MYO1G: variants seen among roughly 807,000 people sequenced by gnomAD.
MYO1G encodes myosin IG.
MYO1G carries 65 observed loss-of-function variants against 115.3 expected under a neutral mutation model. The observed-to-expected ratio is 0.56, with a 90% confidence interval of 0.46 to 0.69. The LOEUF (loss-of-function observed/expected upper bound fraction) is 0.69. Among genes scored for constraint, MYO1G ranks in the 30% least tolerant of loss-of-function variants. The pLI is 0.00. For synonymous variants in MYO1G, 510 were observed against 552.6 expected, an observed-to-expected ratio of 0.92 and a Z score of 1.08; for missense variants, 1,204 against 1,393.5, an observed-to-expected ratio of 0.86 and a Z score of 2.16.
At chr7:44,971,598 C>T (rs1794958677) in intron 7 of MYO1G, 75 bp downstream of exon 7, 2 of 1,113,444 alleles carry the variant, frequency 1.8e-6, no homozygotes, top group African/African-American at 3.1e-5. Context: ...CAGTCTCCTC[C>T]TCATCCCTGG....
chr7:44,975,051 G>A (rs1795022894), intron 5 of MYO1G, 123 bp downstream of exon 5: 2 of 983,746 alleles, frequency 2.0e-6, no homozygotes, highest in Non-Finnish European at 3.3e-6. Flanking sequence ...GATGGGCTAG[G>A]TGGGGTTGAG....
At position 44,964,404 on chromosome 7, in the gene MYO1G, C is replaced by T; in HGVS notation, c.2631+11G>A. The stretch of plus-strand genomic sequence containing the variant: ...GCACAGCCCTGAAGCCATCCTTGTC[C>T]CTTGTCTAACCTTGCGGACATGGCT... On this transcript the variant is annotated intron_variant, in intron 19 of 21. Transcript: ENST00000258787. The surrounding 1 kb of genome is among the most constrained non-coding windows in gnomAD (Gnocchi z 5.1). 3.1e-6 allele frequency: 5 copies of T among 1,609,686 alleles called. No homozygotes were observed. Among genetic ancestry groups the T allele is most frequent in the Non-Finnish European group, 4.3e-6 (5 of 1,176,086 alleles).
In MYO1G at chr7:44,964,082, C is replaced by T. The variant is rs769469697; in HGVS notation, c.2712G>A (p.Gln904=). The T allele has an allele frequency of 1.2e-6, 2 of 1,605,134 alleles. No homozygotes were observed. The highest frequency in any genetic ancestry group is 2.2e-5 in the South Asian group (2 of 89,160). Residue 904 remains glutamine (Q), a synonymous_variant, in exon 20 of 22, where the codon CAG becomes CAA. Transcript: ENST00000258787. This position sits in a 1 kb window ranked among gnomAD's most constrained non-coding sequence, Gnocchi z 5.1. ...GGGGCACGGCCCGCATCACCCGGTA[C>T]TGCCGGTCAGGGTCCAGCTTGTAGA... ...QHLYKLDPDR[Q]YRVMRAVPLE... is the part of the protein sequence containing the mutation.
At position 44,966,091 on chromosome 7, in the gene MYO1G, A is replaced by G. The variant is rs771454169; in HGVS notation, c.2139T>C (p.Ile713=). 1 of 1,612,790 alleles carries G rather than the reference A, an allele frequency of 6.2e-7. No individual in the cohort carries two copies. Among genetic ancestry groups the G allele is most frequent in the Non-Finnish European group, 8.5e-7 (1 of 1,179,948 alleles). Residue 713 remains isoleucine, a synonymous_variant, in exon 16 of 22, where the codon ATT becomes ATC. Transcript: ENST00000258787. This position sits in a 1 kb window ranked among gnomAD's most constrained non-coding sequence, Gnocchi z 5.0. ...EQSRARLIPI[I]VLLLQKAWRG... The stretch of plus-strand genomic sequence containing the variant: ...ACCTCACCTTCTGCAATAGCAGCAC[A>G]ATGATGGGGATGAGGCGGGCTCGGC...
intron 5 of MYO1G, chr7:44,972,458 C>T (rs1241208671): frequency 5.9e-6 from 3 of 510,590 alleles, no homozygotes; most frequent in Non-Finnish European, 7.2e-6. Flanking sequence ...CATGAAGTCA[C>T]TGTTCTTGTG....
rs145958021 is a variant in MYO1G at position 44,976,961 on chromosome 7, C to T, written c.206G>A (p.Arg69His). 283 of 1,613,656 alleles carry T rather than the reference C, an allele frequency of 1.8e-4. 2 individuals are homozygous for T. Among genetic ancestry groups the T allele is most frequent in the African/African-American group, 1.2e-3 (93 of 75,054 alleles). Residue 69 changes from arginine (R) to histidine (H), a missense_variant, in exon 2 of 22, where the codon CGT becomes CAT. Physicochemically the swap from Arg to His is conservative, Grantham distance 29. Coordinates refer to ENST00000258787, the MANE Select transcript of MYO1G (RefSeq NM_033054.3). ...ATGGGGTGGCCGCTCATAGAGCTCA[C>T]GGCCCTGGTACCTGGCGATGGCCTC... ...GPEAIARYQG[R>H]ELYERPPHLY...
At position 44,976,863 on chromosome 7, in the gene MYO1G, C is replaced by A. The variant is rs764568895; in HGVS notation, c.304G>T (p.Gly102Trp). The change falls in exon 2 of 22, where the codon GGG (glycine) becomes TGG (tryptophan). Residue 102 changes from glycine to tryptophan, a missense_variant and splice_region_variant. By Grantham distance (184) the Gly-to-Trp change is radical. Coordinates refer to ENST00000258787, the MANE Select transcript of MYO1G (RefSeq NM_033054.3). Reference protein sequence around the residue: ...RSRDTCIVISGESGAGKTEAS... With the variant: ...RSRDTCIVISWESGAGKTEAS... ...GGGGCCCGGCGGCAGGGACAGGTAC[C>A]TGAGATGACGATGCAGGTGTCCCTG... 6.2e-7 allele frequency: 1 copy of A among 1,613,274 alleles called. No homozygotes were observed.
chr7:44,972,573 C>T (rs774586945), intron 5 of MYO1G: 76 of 278,884 alleles, frequency 2.7e-4, no homozygotes, highest in Non-Finnish European at 4.4e-4. Flanking sequence ...AGACACTACC[C>T]GGGTCCCAAA....
Position 44,970,825 on chromosome 7 carries a change from C to G in MYO1G, c.1071+10G>C, listed in dbSNP as rs1366494450. Reference sequence around the variant, plus strand: ...CTGGGCTTCCCTCCCTGTGCCTGCCCCCAAAGTACCTTGGCACAGGCATCC... The same window carrying G: ...CTGGGCTTCCCTCCCTGTGCCTGCCGCCAAAGTACCTTGGCACAGGCATCC... On this transcript the variant is annotated intron_variant, in intron 8 of 21. Coordinates refer to ENST00000258787, the MANE Select transcript of MYO1G (RefSeq NM_033054.3). 1 of 1,613,666 alleles carries G rather than the reference C, an allele frequency of 6.2e-7. No homozygotes were observed. The highest frequency in any genetic ancestry group is 1.7e-5 in the Admixed American group (1 of 60,024).
Position 44,969,943 on chromosome 7 carries a change from C to T in MYO1G, c.1333-68G>A. On this transcript the variant is annotated intron_variant, in intron 10 of 21. Coordinates refer to ENST00000258787, the MANE Select transcript of MYO1G (RefSeq NM_033054.3). The surrounding 1 kb of genome is among the most constrained non-coding windows in gnomAD (Gnocchi z 5.0). ...AGGCCACCTCCCCTCCTCCGCCCCA[C>T]ACTCAGCCACCTGTCAGGCCAGCCC... 1.9e-6 allele frequency: 3 copies of T among 1,588,024 alleles called. No individual in the cohort carries two copies. Among genetic ancestry groups the T allele is most frequent in the Non-Finnish European group, 2.6e-6 (3 of 1,165,444 alleles).
At position 44,966,498 on chromosome 7, in the gene MYO1G, C is replaced by T. The variant is rs1794848119; in HGVS notation, c.1949+174G>A. ...GTTCCCACCTGTATGTCCCCACATG[C>T]ATGTGCTCACACACATGTCTTCCCA... On this transcript the variant is annotated intron_variant, in intron 15 of 21. Coordinates refer to ENST00000258787, the MANE Select transcript of MYO1G (RefSeq NM_033054.3). The surrounding 1 kb of genome is among the most constrained non-coding windows in gnomAD (Gnocchi z 5.0). 2.3e-6 allele frequency: 2 copies of T among 868,752 alleles called. No individual in the cohort carries two copies. The highest frequency in any genetic ancestry group is 1.9e-6 in the Non-Finnish European group (1 of 535,200). The allele number at this position is 868,752 out of a possible 1,614,324, so 53.8% of individuals were successfully genotyped here. A position where few individuals can be genotyped will look rare whatever the true frequency, so the allele number is the denominator to read the frequency against.
chr7:44,963,438 G>C lies in MYO1G; in HGVS notation c.2746-314C>G. ...GCATGTGCTACTGCCTGGAGGAGCCGTTTTTAGTTCTAGGTCACTTTCACT... is the reference window on the plus strand; with the variant it reads ...GCATGTGCTACTGCCTGGAGGAGCCCTTTTTAGTTCTAGGTCACTTTCACT... On this transcript the variant is annotated intron_variant, in intron 20 of 21. Transcript: ENST00000258787. This position sits in a 1 kb window ranked among gnomAD's most constrained non-coding sequence, Gnocchi z 4.1. The C allele has an allele frequency of 2.7e-6, 1 of 370,242 alleles. No homozygotes were observed. Among genetic ancestry groups the C allele is most frequent in the Non-Finnish European group, 4.8e-6 (1 of 207,190 alleles). 22.9% of individuals were successfully genotyped at this position (370,242 alleles called of 1,614,324 possible).
Position 44,964,425 on chromosome 7 carries a change from T to G in MYO1G, c.2621A>C (p.His874Pro). The change falls in exon 19 of 22, where the codon CAT becomes CCT. Residue 874 changes from histidine (H) to proline (P), a missense_variant. Transcript: ENST00000258787. The surrounding 1 kb of genome is among the most constrained non-coding windows in gnomAD (Gnocchi z 5.1). ...DGFGAVLFSS[H>P]VRKVNRFHKI... ...TGTCCCTTGTCTAACCTTGCGGACA[T>G]GGCTTGAAAAGAGCACAGCCCCGAA... is the stretch of plus-strand genomic sequence containing the variant. 1.2e-6 allele frequency: 2 copies of G among 1,613,480 alleles called. No individual in the cohort carries two copies. Among genetic ancestry groups the G allele is most frequent in the Non-Finnish European group, 1.7e-6 (2 of 1,179,528 alleles).
Position 44,969,715 on chromosome 7 carries a change from G to A in MYO1G, c.1493C>T (p.Thr498Ile). ...DMHHRHHLHY[T>I]SRQLCPTDKT... is the part of the protein sequence containing the mutation. ...GACAGCCGGGGGCACCTGGCGGCTG[G>A]TGTAGTGTAGGTGATGGCGGTGGTG... is the stretch of plus-strand genomic sequence containing the variant. Residue 498 changes from threonine (T) to isoleucine (I), a missense_variant, in exon 11 of 22, where the codon ACC (threonine) becomes ATC (isoleucine). Transcript: ENST00000258787. The surrounding 1 kb of genome is among the most constrained non-coding windows in gnomAD (Gnocchi z 5.0). 6.8e-6 allele frequency: 11 copies of A among 1,611,572 alleles called. No individual in the cohort carries two copies. Among genetic ancestry groups the A allele is most frequent in the Non-Finnish European group, 9.3e-6 (11 of 1,179,946 alleles).
chr7:44,963,938 G>T lies in MYO1G; in HGVS notation c.2745+111C>A, dbSNP rs555409491. ...TGCCACCATCGCTGAGTTTTAGGATGGTCTGGGCCATCTCAGGTAAACAGG... is the reference window on the plus strand; with the variant it reads ...TGCCACCATCGCTGAGTTTTAGGATTGTCTGGGCCATCTCAGGTAAACAGG... On this transcript the variant is annotated intron_variant, in intron 20 of 21. Transcript: ENST00000258787. The surrounding 1 kb of genome is among the most constrained non-coding windows in gnomAD (Gnocchi z 4.1). 9.3e-4 allele frequency: 817 copies of T among 882,080 alleles called. 5 individuals are homozygous for T. In the Middle Eastern group the frequency reaches 0.017, roughly 18 times the overall value. The allele number at this position is 882,080 out of a possible 1,614,324, so 54.6% of individuals were successfully genotyped here. A position where few individuals can be genotyped will look rare whatever the true frequency, so the allele number is the denominator to read the frequency against.
At chr7:44,965,223 C>G in intron 17 of MYO1G, 134 bp from the exon 18 acceptor site, 1 of 1,329,338 alleles carries the variant, frequency 7.5e-7, no homozygotes, top group Non-Finnish European at 1.0e-6. Context: ...GCCGGCCTCT[C>G]TGGCCTTGGC....
rs1307884345 is a variant in MYO1G at position 44,966,663 on chromosome 7, T to A, written c.1949+9A>T. 6.2e-7 allele frequency: 1 copy of A among 1,612,970 alleles called. No homozygotes were observed. Among genetic ancestry groups the A allele is most frequent in the African/African-American group, 1.3e-5 (1 of 75,012 alleles). On this transcript the variant is annotated intron_variant, in intron 15 of 21. Transcript: ENST00000258787. This position sits in a 1 kb window ranked among gnomAD's most constrained non-coding sequence, Gnocchi z 5.0. ...GGCCCATGGAGTGATGGGTGTCAGG[T>A]GCCAGTACCTGAGCAGGAATCGAGA...
rs779871002 is a variant in MYO1G, at chr7:44,966,055, C to G, written c.2157+18G>C. On this transcript the variant is annotated intron_variant, in intron 16 of 21. Coordinates refer to ENST00000258787, the MANE Select transcript of MYO1G (RefSeq NM_033054.3). The surrounding 1 kb of genome is among the most constrained non-coding windows in gnomAD (Gnocchi z 5.0). Reference sequence around the variant, plus strand: ...CCCCACCTCCATAGTGGATGTCTTCCTGCCCCGCCCACCTCACCTTCTGCA... The same window carrying G: ...CCCCACCTCCATAGTGGATGTCTTCGTGCCCCGCCCACCTCACCTTCTGCA... The G allele has an allele frequency of 1.4e-5, 23 of 1,607,940 alleles. No individual in the cohort carries two copies. The highest frequency in any genetic ancestry group is 1.9e-5 in the Non-Finnish European group (22 of 1,178,940).
rs760385721 is a variant in MYO1G, at chr7:44,965,826, C to G, written c.2192G>C (p.Arg731Pro). 1 of 1,599,942 alleles carries G rather than the reference C, an allele frequency of 6.3e-7. No homozygotes were observed. Among genetic ancestry groups the G allele is most frequent in the South Asian group, 1.1e-5 (1 of 91,016 alleles). ...GATGGTGTAGATAGCCCTCAGCCTC[C>G]GGCAGCGCCACCTCGCCAAGGTGCC... Reference protein sequence around the residue: ...WRGTLARWRCRRLRAIYTIMR... With the variant: ...WRGTLARWRCPRLRAIYTIMR... Residue 731 changes from arginine to proline, a missense_variant, in exon 17 of 22, where the codon CGG becomes CCG. Coordinates refer to ENST00000258787, the MANE Select transcript of MYO1G (RefSeq NM_033054.3).
Sources: gnomAD v4.1 joint callset for allele counts on GRCh38, gnomAD v4.1.1 for gene constraint, Gnocchi (gnomAD v3.1) non-coding constraint, MANE v1.5 for transcripts, NCBI Gene and HGNC (gene_info 2026-07-23, HGNC 2026-07-21) for gene names.